Variants in KCNK1 observed in about 807,000 individuals in gnomAD.
The protein encoded by KCNK1 is potassium two pore domain channel subfamily K member 1, also known as potassium channel subfamily K member 1.
In KCNK1, 10 loss-of-function variants were observed where a neutral mutation model predicts 22.2. That is an observed-to-expected ratio of 0.45 (90% CI 0.28 to 0.76). KCNK1 has a LOEUF of 0.76. KCNK1 is among the 30% of genes least tolerant of loss of function. The pLI, the probability that KCNK1 is intolerant of heterozygous loss-of-function variation, is 0.14. For synonymous variants in KCNK1, 200 were observed against 186.4 expected, an observed-to-expected ratio of 1.07 and a Z score of -0.60; for missense variants, 378 against 421.0, an observed-to-expected ratio of 0.90 and a Z score of 0.89.
intron 1 of KCNK1, among the ~76,000 whole-genome samples, chr1:233,666,312 G>T (rs886271047): frequency 2.6e-5 from 4 of 152,142 alleles, no homozygotes; most frequent in African/African-American, 9.7e-5. Flanking sequence ...CACAGAACTT[G>T]TGTTTGAGCC....
At chr1:233,654,378 C>T (rs879375550) in intron 1 of KCNK1, among the ~76,000 whole-genome samples, 3 of 152,134 alleles carry the variant, frequency 2.0e-5, no homozygotes, top group Non-Finnish European at 4.4e-5. Flanking sequence ...TTTTAAAAAG[C>T]GTCAGAGAAC....
At chr1:233,640,922 C>G (rs933638955) in intron 1 of KCNK1, among the ~76,000 whole-genome samples, 3 of 152,194 alleles carry the variant, frequency 2.0e-5, no homozygotes, top group Non-Finnish European at 2.9e-5. Context: ...CCAGGCTGGT[C>G]TTGAACTCCT....
chr1:233,616,032 T>G (rs1445388988), intron 1 of KCNK1, among the ~76,000 whole-genome samples: 1 of 152,228 alleles, frequency 6.6e-6, no homozygotes, highest in African/African-American at 2.4e-5. Context: ...ACAATTTAAT[T>G]TTTCTTTCCA....
intron 1 of KCNK1, among the ~76,000 whole-genome samples, chr1:233,634,623 A>G (rs1296128426): frequency 6.6e-6 from 1 of 152,202 alleles, no homozygotes; most frequent in African/African-American, 2.4e-5. Flanking sequence ...TTAGCAAAGC[A>G]GGGCTCATGG....
chr1:233,657,929 G>A (rs1323934649), intron 1 of KCNK1, among the ~76,000 whole-genome samples: 1 of 152,122 alleles, frequency 6.6e-6, no homozygotes, highest in Admixed American at 6.5e-5. Context: ...TGGAGAAAAG[G>A]AGTATAAAGA....
intron 1 of KCNK1, among the ~76,000 whole-genome samples, chr1:233,621,151 C>T (rs556604905): frequency 2.6e-5 from 4 of 152,256 alleles, no homozygotes; most frequent in African/African-American, 7.2e-5. Flanking sequence ...GAAGTTCTAC[C>T]CTCAGTATTT....
intron 1 of KCNK1, among the ~76,000 whole-genome samples, chr1:233,619,201 C>G (rs1657535782): frequency 6.6e-6 from 1 of 151,416 alleles, no homozygotes; most frequent in African/African-American, 2.4e-5. Context: ...TTTCATTTTT[C>G]TTTGGAGAGC....
rs532078567 is a variant in KCNK1 at position 233,634,067 on chromosome 1, G to A, written c.355+19541G>A. Reference sequence around the variant, plus strand: ...TTACACTTGTAATCCCAGCACTTTGGGAGGCCGAGGCGGGCGAATCACAAG... The same window carrying A: ...TTACACTTGTAATCCCAGCACTTTGAGAGGCCGAGGCGGGCGAATCACAAG... On this transcript the variant is annotated intron_variant, in intron 1 of 2. Coordinates refer to ENST00000366621, the MANE Select transcript of KCNK1 (RefSeq NM_002245.4). Among the ~76,000 whole-genome samples, 85 of 152,186 alleles carry A rather than the reference G, an allele frequency of 5.6e-4. 1 individual carries two copies. Among genetic ancestry groups the A allele is most frequent in the South Asian group, 4.6e-3 (22 of 4,804 alleles).
At chr1:233,623,915 A>G (rs1314275587) in intron 1 of KCNK1, among the ~76,000 whole-genome samples, 1 of 152,232 alleles carries the variant, frequency 6.6e-6, no homozygotes, top group African/African-American at 2.4e-5. Context: ...TAAAAAAAAG[A>G]AAGTAAACCT....
chr1:233,619,071 G>T (rs1336326126), intron 1 of KCNK1, among the ~76,000 whole-genome samples: 3 of 152,052 alleles, frequency 2.0e-5, no homozygotes, highest in African/African-American at 7.2e-5. Flanking sequence ...AGTCTGGAGT[G>T]CAGTGACACT....
intron 2 of KCNK1, among the ~76,000 whole-genome samples, chr1:233,670,483 C>A (rs1027101148): frequency 6.6e-6 from 1 of 152,206 alleles, no homozygotes; most frequent in Non-Finnish European, 1.5e-5. Flanking sequence ...TTTAATTGGA[C>A]TTACAGTTCC....
chr1:233,619,315 C>G (rs1223796533), intron 1 of KCNK1, among the ~76,000 whole-genome samples: 1 of 152,116 alleles, frequency 6.6e-6, no homozygotes. Flanking sequence ...AGCCACCATG[C>G]CTGGCCCCTG....
chr1:233,623,258 A>G (rs1657623839), intron 1 of KCNK1, among the ~76,000 whole-genome samples: 1 of 152,178 alleles, frequency 6.6e-6, no homozygotes, highest in South Asian at 2.1e-4. Flanking sequence ...GTGAAAAGTA[A>G]ATGGAGCATA....
At chr1:233,614,723 C>A (rs80352637) in intron 1 of KCNK1, among the ~76,000 whole-genome samples, 197 bp downstream of exon 1, 8,674 of 151,932 alleles carry the variant, frequency 0.057, 684 homozygotes, top group African/African-American at 0.17. Flanking sequence ...CCGGCCTCTG[C>A]CTGGGTGACT....
At chr1:233,662,238 C>CCTTCTTCTTCTTCTTCTTCTTCTTCTT (rs147341553) in intron 1 of KCNK1, among the ~76,000 whole-genome samples, 72 of 149,570 alleles carry the variant, frequency 4.8e-4, no homozygotes, top group Middle Eastern at 6.8e-3. Context: ...TTCTTCTTCT[C>CCTTCTTCTTCTTCTTCTTCTTCTTCTT]CTTCTTCTTC....
intron 1 of KCNK1, among the ~76,000 whole-genome samples, chr1:233,616,781 A>G (rs1033868377): frequency 2.0e-5 from 3 of 152,206 alleles, no homozygotes; most frequent in African/African-American, 7.2e-5. Context: ...ATGTTTTTTA[A>G]AGTCTTCAAA....
chr1:233,664,840 G>T (rs533651857), intron 1 of KCNK1, among the ~76,000 whole-genome samples: 2 of 152,316 alleles, frequency 1.3e-5, no homozygotes, highest in East Asian at 3.9e-4. Flanking sequence ...ATCAGATTTT[G>T]AAACTACTTT....
intron 2 of KCNK1, among the ~76,000 whole-genome samples, chr1:233,667,886 C>T (rs1658528257): frequency 6.6e-6 from 1 of 151,942 alleles, no homozygotes; most frequent in Admixed American, 6.6e-5. Flanking sequence ...TTTAATTTAC[C>T]AGAAAAGTCT....
chr1:233,669,483 G>T (rs1323088804), intron 2 of KCNK1, among the ~76,000 whole-genome samples: 2 of 152,164 alleles, frequency 1.3e-5, no homozygotes, highest in Non-Finnish European at 2.9e-5. Flanking sequence ...GATGTGGGCA[G>T]GATAAAATAC....
Sources: gnomAD v4.1 joint callset for allele counts (sites outside exome capture counted in the v4.1 genomes callset) on GRCh38, gnomAD v4.1.1 for gene constraint, MANE v1.5 for transcripts, NCBI Gene and HGNC (gene_info 2026-07-23, HGNC 2026-07-21) for gene names.